Variants in LRP1 observed in about 807,000 individuals in gnomAD.
LRP1 encodes the protein prolow-density lipoprotein receptor-related protein 1.
A neutral mutation model predicts 541.5 loss-of-function variants in LRP1; 51 were observed. That is an observed-to-expected ratio of 0.09 (90% CI 0.08 to 0.12). The LOEUF is 0.12. LRP1 is among the 10% of genes least tolerant of loss of function. LRP1 has a pLI of 1.00. For missense variants in LRP1, 3,878 were observed against 6,376.2 expected, an observed-to-expected ratio of 0.61 and a Z score of 13.34; for synonymous variants, 2,219 against 2,470.8, an observed-to-expected ratio of 0.90 and a Z score of 3.02.
chr12:57,164,222 G>A (rs2035795292), intron 15 of LRP1, among the ~76,000 whole-genome samples: 1 of 152,132 alleles, frequency 6.6e-6, no homozygotes, highest in Non-Finnish European at 1.5e-5. Context: ...AAACACAAAG[G>A]AGAAAGCCCA....
At chr12:57,160,766 G>T in intron 12 of LRP1, 127 bp from the exon 13 acceptor site, 2 of 651,474 alleles carry the variant, frequency 3.1e-6, no homozygotes, top group South Asian at 3.7e-5. Flanking sequence ...GAAATGTGTG[G>T]TCCAGTGATG....
chr12:57,181,085 A>T (rs2036155384), intron 33 of LRP1, 72 bp from the exon 34 acceptor site: 1 of 1,539,156 alleles, frequency 6.5e-7, no homozygotes, highest in African/African-American at 1.4e-5. Context: ...GTTTCTGAGC[A>T]GCCCAAGCCT....
rs1342814341 is a variant in LRP1 at position 57,179,292 on chromosome 12, C to T, written c.4739-37C>T. 4.0e-6 allele frequency: 6 copies of T among 1,489,950 alleles called. No homozygotes were observed. In the South Asian group the frequency reaches 5.7e-5, roughly 14 times the overall value. 92.3% of individuals were successfully genotyped at this position (1,489,950 alleles called of 1,614,324 possible). On this transcript the variant is annotated intron_variant, in intron 28 of 88. Transcript: ENST00000243077. This position sits in a 1 kb window ranked among gnomAD's most constrained non-coding sequence, Gnocchi z 6.8. Reference sequence around the variant, plus strand: ...ACCGGATTGGTGGGAAGCACAGAGGCAGGGACTGCCTTCAGTGACCAGCCC... The same window carrying T: ...ACCGGATTGGTGGGAAGCACAGAGGTAGGGACTGCCTTCAGTGACCAGCCC...
Position 57,167,626 on chromosome 12 carries a change from C to T in LRP1, c.2995+102C>T, listed in dbSNP as rs778436229. ...GGGCTTCAGAATCCAGCAGGGCCTC[C>T]CTCCAGGACACTGAATCCCTGCTGG... On this transcript the variant is annotated intron_variant, in intron 19 of 88. Transcript: ENST00000243077. 2.8e-4 allele frequency: 253 copies of T among 903,364 alleles called. 3 individuals are homozygous for T. Among genetic ancestry groups the T allele is most frequent in the Middle Eastern group, 8.7e-4 (4 of 4,598 alleles). The allele number at this position is 903,364 out of a possible 1,614,324, so 56.0% of individuals were successfully genotyped here. A position where few individuals can be genotyped will look rare whatever the true frequency, so the allele number is the denominator to read the frequency against.
intron 6 of LRP1, chr12:57,149,384 T>G: frequency 1.9e-6 from 1 of 537,240 alleles, no homozygotes; most frequent in Non-Finnish European, 3.3e-6. Flanking sequence ...GGGCCAGCCC[T>G]GTGTCTCCCG....
chr12:57,187,816 C>T (rs963558849), intron 42 of LRP1, among the ~76,000 whole-genome samples: 9 of 152,270 alleles, frequency 5.9e-5, no homozygotes, highest in Non-Finnish European at 5.9e-5. Flanking sequence ...ACCCTTCGTA[C>T]AGAAGCCTAA....
At chr12:57,167,087 G>C (rs754821815) in intron 18 of LRP1, 41 bp downstream of exon 18, 2 of 1,550,490 alleles carry the variant, frequency 1.3e-6, no homozygotes, top group South Asian at 2.2e-5. Flanking sequence ...GGGCCTGGGG[G>C]AGGGGCATCC....
intron 22 of LRP1, among the ~76,000 whole-genome samples, chr12:57,175,181 C>T (rs766620548): frequency 1.3e-5 from 2 of 152,122 alleles, no homozygotes; most frequent in African/African-American, 4.8e-5. Flanking sequence ...AGGAACATAT[C>T]GAGACCAGAC....
intron 1 of LRP1, among the ~76,000 whole-genome samples, chr12:57,134,388 C>T (rs1043175165): frequency 2.0e-5 from 3 of 152,180 alleles, no homozygotes; most frequent in African/African-American, 7.2e-5. Flanking sequence ...AAATCCTCTC[C>T]CCACTGCCAG....
chr12:57,185,634 A>G lies in LRP1; in HGVS notation c.6567A>G (p.Glu2189=), dbSNP rs765228275. 2.5e-6 allele frequency: 4 copies of G among 1,612,192 alleles called. No individual in the cohort carries two copies. In the Admixed American group the frequency reaches 5.0e-5, roughly 20 times the overall value. ...CCTGTGCCCACGGGATGCTGGCTGA[A>G]GACGGAGCATCGTGCCGCGAGTATG... ...ACACAHGMLA[E]DGASCREYAG... is the part of the protein sequence containing the mutation. The change falls in exon 41 of 89, where the codon GAA becomes GAG. Residue 2189 remains glutamate (E), a synonymous_variant. Coordinates refer to ENST00000243077, the MANE Select transcript of LRP1 (RefSeq NM_002332.3). This position sits in a 1 kb window ranked among gnomAD's most constrained non-coding sequence, Gnocchi z 4.9.
At chr12:57,199,109 A>T in intron 60 of LRP1, 103 bp from the exon 61 acceptor site, 1 of 1,034,200 alleles carries the variant, frequency 9.7e-7, no homozygotes, top group Non-Finnish European at 1.5e-6. Flanking sequence ...TGGGGCTGAC[A>T]CCCACCTCTC....
intron 10 of LRP1, among the ~76,000 whole-genome samples, chr12:57,157,511 T>A (rs2035645034): frequency 6.6e-6 from 1 of 152,112 alleles, no homozygotes; most frequent in African/African-American, 2.4e-5. Flanking sequence ...TTGGGGAGGC[T>A]GAGACAGGAG....
At chr12:57,139,434 A>C (rs954178120) in intron 2 of LRP1, among the ~76,000 whole-genome samples, 1 of 152,074 alleles carries the variant, frequency 6.6e-6, no homozygotes, top group South Asian at 2.1e-4. Flanking sequence ...AGGGGTATTC[A>C]GCAAGTATAT....
intron 42 of LRP1, among the ~76,000 whole-genome samples, chr12:57,188,964 G>A (rs903121646): frequency 2.6e-5 from 4 of 152,284 alleles, no homozygotes; most frequent in Non-Finnish European, 5.9e-5. Context: ...AGGCACTTTC[G>A]GGGAATCAGA....
chr12:57,193,874 C>T (rs766301859), intron 47 of LRP1, 25 bp from the exon 48 acceptor site: 173 of 1,606,706 alleles, frequency 1.1e-4, no homozygotes, highest in Non-Finnish European at 1.4e-4. Context: ...TCTGGCCTGA[C>T]GATACGGGGC....
intron 2 of LRP1, among the ~76,000 whole-genome samples, chr12:57,138,846 A>G (rs931116951): frequency 1.3e-5 from 2 of 152,188 alleles, no homozygotes; most frequent in African/African-American, 2.4e-5. Flanking sequence ...CAGCTTTGCT[A>G]GAAGATGGCC....
At position 57,183,984 on chromosome 12, in the gene LRP1, G is replaced by A. The variant is rs1272404082; in HGVS notation, c.5929+75G>A. The A allele has an allele frequency of 1.0e-5, 16 of 1,606,260 alleles. No homozygotes were observed. Among genetic ancestry groups the A allele is most frequent in the Middle Eastern group, 1.7e-4 (1 of 6,010 alleles). Reference sequence around the variant, plus strand: ...GGACGAAGTGAGAGGAGGAGTTGGCGGGAGCAGGAAGAGGAGCTGTAGGGG... The same window carrying A: ...GGACGAAGTGAGAGGAGGAGTTGGCAGGAGCAGGAAGAGGAGCTGTAGGGG... On this transcript the variant is annotated intron_variant, in intron 36 of 88. Transcript: ENST00000243077. The surrounding 1 kb of genome is among the most constrained non-coding windows in gnomAD (Gnocchi z 6.1).
At chr12:57,170,594 G>A (rs1392033789) in intron 20 of LRP1, among the ~76,000 whole-genome samples, 1 of 152,088 alleles carries the variant, frequency 6.6e-6, no homozygotes, top group Non-Finnish European at 1.5e-5. Flanking sequence ...CAAGGCAGGA[G>A]GATCACTTGT....
At chr12:57,181,105 G>A (rs1429357186) in intron 33 of LRP1, 52 bp from the exon 34 acceptor site, 2 of 1,589,806 alleles carry the variant, frequency 1.3e-6, no homozygotes, top group Admixed American at 3.4e-5. Context: ...TGACCCTGAG[G>A]TCCCAAGGAG....
Sources: gnomAD v4.1 joint callset for allele counts (sites outside exome capture counted in the v4.1 genomes callset) on GRCh38, gnomAD v4.1.1 for gene constraint, Gnocchi (gnomAD v3.1) non-coding constraint, MANE v1.5 for transcripts, NCBI Gene and HGNC (gene_info 2026-07-23, HGNC 2026-07-21) for gene names.